ROS1: variants seen among roughly 807,000 people sequenced by gnomAD.
ROS1 encodes the protein proto-oncogene tyrosine-protein kinase ROS.
ROS1 carries 263 observed loss-of-function variants against 273.5 expected under a neutral mutation model. The observed-to-expected ratio is 0.96, with a 90% CI of 0.87 to 1.06. The LOEUF is 1.06. Ranked by LOEUF, ROS1 falls within the 50% of genes least tolerant of loss-of-function variation. ROS1 has a pLI of 0.00. For missense variants in ROS1, 2,833 were observed against 2,751.1 expected (o/e 1.03, Z -0.67); for synonymous variants, 1,008 against 954.1 (o/e 1.06, Z -1.04).
chr6:117,341,321 A>C lies in ROS1; in HGVS notation c.4885-10T>G. 2 of 1,612,410 alleles carry C rather than the reference A, an allele frequency of 1.2e-6. No individual in the cohort carries two copies. The highest frequency in any genetic ancestry group is 1.1e-5 in the South Asian group (1 of 90,894). ...AGTGGCAGGCAAGAACCTTTTGGTA[A>C]AAAAGAACAATTGCTTAACCTTTTG... is the stretch of plus-strand genomic sequence containing the variant. On this transcript the variant is annotated splice_polypyrimidine_tract_variant and intron_variant, in intron 30 of 43. Coordinates refer to ENST00000368507, the MANE Select transcript of ROS1 (RefSeq NM_001378902.1).
chr6:117,309,282 G>T (rs550899955), intron 41 of ROS1, among the ~76,000 whole-genome samples: 1 of 151,852 alleles, frequency 6.6e-6, no homozygotes, highest in Non-Finnish European at 1.5e-5. Context: ...ACAGAAACAC[G>T]TGCACACACA....
intron 5 of ROS1, among the ~76,000 whole-genome samples, chr6:117,404,751 G>A (rs937374777): frequency 6.6e-6 from 1 of 152,136 alleles, no homozygotes; most frequent in East Asian, 1.9e-4. Flanking sequence ...TTACAGGCGG[G>A]GGGAGCCAAT....
intron 4 of ROS1, among the ~76,000 whole-genome samples, chr6:117,414,024 G>GAAA (rs1775138508): frequency 8.3e-6 from 1 of 120,022 alleles, no homozygotes; most frequent in African/African-American, 4.0e-5. Context: ...GAGAAAGAGA[G>GAAA]GAAGAAAGCA....
In ROS1 at chr6:117,396,279, A is replaced by T; in HGVS notation, c.807-15T>A. On this transcript the variant is annotated splice_polypyrimidine_tract_variant and intron_variant, in intron 8 of 43. Transcript: ENST00000368507. ...CAATAGAAAACCTATTCCAAAAACAATTTGGAGAGACGTGTTTCACATGGC... is the reference window on the plus strand; with the variant it reads ...CAATAGAAAACCTATTCCAAAAACATTTTGGAGAGACGTGTTTCACATGGC... The T allele has an allele frequency of 6.3e-6, 10 of 1,577,136 alleles. No homozygotes were observed. The highest frequency in any genetic ancestry group is 8.7e-6 in the Non-Finnish European group (10 of 1,146,690).
At chr6:117,298,585 T>A (rs978859134) in intron 43 of ROS1, among the ~76,000 whole-genome samples, 5 of 152,204 alleles carry the variant, frequency 3.3e-5, no homozygotes, top group Non-Finnish European at 7.4e-5. Flanking sequence ...CAGATTAAAA[T>A]GGCTTGAGCA....
At chr6:117,302,672 T>C (rs772452530) in intron 42 of ROS1, among the ~76,000 whole-genome samples, 2 of 152,218 alleles carry the variant, frequency 1.3e-5, no homozygotes, top group Non-Finnish European at 2.9e-5. Flanking sequence ...GCAGAATCTC[T>C]AGCTCTCAAC....
intron 18 of ROS1, among the ~76,000 whole-genome samples, chr6:117,373,450 G>A (rs781688634): frequency 2.6e-5 from 4 of 152,232 alleles, no homozygotes; most frequent in East Asian, 1.9e-4. Flanking sequence ...GCTGAGGCCC[G>A]GCGAGAATTC....
intron 32 of ROS1, among the ~76,000 whole-genome samples, chr6:117,335,913 A>G (rs994090058): frequency 2.6e-5 from 4 of 152,080 alleles, no homozygotes; most frequent in African/African-American, 9.7e-5. Flanking sequence ...ATGTATACCT[A>G]TGTAACAACC....
chr6:117,301,169 T>G, intron 42 of ROS1, 32 bp from the exon 43 acceptor site: 2 of 1,540,090 alleles, frequency 1.3e-6, no homozygotes, highest in Non-Finnish European at 1.7e-6. Context: ...GGAAAGTAAA[T>G]AGCAATTGGA....
At position 117,387,777 on chromosome 6, in the gene ROS1, C is replaced by A. The variant is rs1275308401; in HGVS notation, c.1999+3G>T. On this transcript the variant is annotated splice_donor_region_variant and intron_variant, in intron 14 of 43. Transcript: ENST00000368507. ...ACTCCCTAAATCCAGAACATTTTCT[C>A]ACCTGGCACCAGGGTAGTACCCACT... 1 of 1,609,734 alleles carries A rather than the reference C, an allele frequency of 6.2e-7. No individual in the cohort carries two copies.
intron 29 of ROS1, 132 bp downstream of exon 29, chr6:117,342,268 T>G: frequency 1.2e-6 from 1 of 843,960 alleles, no homozygotes. Flanking sequence ...TACAAACACA[T>G]TTTTCTTATT....
intron 43 of ROS1, among the ~76,000 whole-genome samples, chr6:117,290,563 C>A (rs983563093): frequency 6.6e-6 from 1 of 152,158 alleles, no homozygotes; most frequent in Non-Finnish European, 1.5e-5. Flanking sequence ...CCAAGTAAGA[C>A]GGGGTATTTA....
chr6:117,412,267 G>C (rs958670183), intron 4 of ROS1, among the ~76,000 whole-genome samples: 1 of 151,766 alleles, frequency 6.6e-6, no homozygotes, highest in Non-Finnish European at 1.5e-5. Flanking sequence ...GCTATAATAA[G>C]ATCTATTTTG....
chr6:117,350,677 G>A (rs910996762), intron 27 of ROS1, among the ~76,000 whole-genome samples: 7 of 138,420 alleles, frequency 5.1e-5, no homozygotes, highest in African/African-American at 1.0e-4. Flanking sequence ...ATTCTGTTTC[G>A]GTTTTTTTCC....
intron 42 of ROS1, among the ~76,000 whole-genome samples, chr6:117,308,082 T>C (rs989638069): frequency 6.6e-6 from 1 of 152,144 alleles, no homozygotes; most frequent in Non-Finnish European, 1.5e-5. Flanking sequence ...TAGGAACTTC[T>C]TGGGTAAGAC....
intron 18 of ROS1, among the ~76,000 whole-genome samples, chr6:117,368,766 A>C (rs1360301697): frequency 6.6e-6 from 1 of 151,708 alleles, no homozygotes; most frequent in African/African-American, 2.4e-5. Flanking sequence ...ATTTTATGAA[A>C]TCTAAATACA....
chr6:117,360,087 T>G (rs529265406), intron 23 of ROS1, 76 bp from the exon 24 acceptor site: 1 of 1,228,806 alleles, frequency 8.1e-7, no homozygotes, highest in Non-Finnish European at 1.2e-6. Context: ...ATTTAATATC[T>G]GGCAGTTTTG....
Position 117,301,040 on chromosome 6 carries a change from A to G in ROS1, c.6649T>C (p.Leu2217=). ...TCTCTGGACTTATAAATGCTATTTA[A>G]GAAAAAATTTCTGAATAACTGAAGT... The part of the protein sequence containing the change: ...DQLQLFRNFF[L]NSIYKSRDEA... Residue 2217 remains leucine (L), a synonymous_variant, in exon 43 of 44, where the codon TTA becomes CTA. Coordinates refer to ENST00000368507, the MANE Select transcript of ROS1 (RefSeq NM_001378902.1). 6.2e-7 allele frequency: 1 copy of G among 1,606,970 alleles called. No homozygotes were observed. Among genetic ancestry groups the G allele is most frequent in the Non-Finnish European group, 8.5e-7 (1 of 1,177,126 alleles).
intron 43 of ROS1, among the ~76,000 whole-genome samples, chr6:117,298,320 G>C (rs1287786521): frequency 2.0e-5 from 3 of 151,762 alleles, no homozygotes; most frequent in Admixed American, 2.0e-4. Flanking sequence ...AAACAATCTT[G>C]TACTCCATAA....
Sources: allele counts gnomAD v4.1 joint callset (sites outside exome capture counted in the v4.1 genomes callset), GRCh38; gene constraint gnomAD v4.1.1; transcripts MANE v1.5; gene names NCBI Gene and HGNC (gene_info 2026-07-23, HGNC 2026-07-21).